Variants in KCNMB3 observed in about 807,000 individuals in gnomAD.
KCNMB3 encodes the protein potassium calcium-activated channel subfamily M regulatory beta subunit 3, also known as calcium-activated potassium channel subunit beta-3.
Under a neutral mutation model 11.9 loss-of-function variants are expected in KCNMB3, and 18 were observed. The observed-to-expected ratio is 1.51, with a 90% CI of 1.04 to 2.23. The LOEUF (loss-of-function observed/expected upper bound fraction) is 2.23, where lower values mean the gene tolerates loss of function less well. KCNMB3 is among the 30% of genes most tolerant of loss of function. KCNMB3 has a pLI of 0.00. For missense variants in KCNMB3, 247 were observed against 329.4 expected (o/e 0.75, Z 1.94); for synonymous variants, 78 against 119.2 (o/e 0.65, Z 2.25).
chr3:179,261,149 A>G (rs916321640), intron 1 of KCNMB3: 5 of 1,334,696 alleles, frequency 3.7e-6, no homozygotes, highest in Non-Finnish European at 4.2e-6. Context: ...CAGCTCCTTC[A>G]TGGGGATCTC....
downstream of KCNMB3, chr3:179,240,337 C>T (rs1264603886): frequency 3.0e-6 from 1 of 337,888 alleles, no homozygotes; most frequent in African/African-American, 2.1e-5. Flanking sequence ...TAAATATTTA[C>T]TTCCTTTAAG....
intron 1 of KCNMB3, chr3:179,260,928 T>C (rs1046079770): frequency 8.8e-6 from 10 of 1,130,386 alleles, no homozygotes; most frequent in South Asian, 1.2e-5. Context: ...ATAGCCTTCT[T>C]ACATTTCTCT....
intron 1 of KCNMB3, among the ~76,000 whole-genome samples, chr3:179,245,718 C>T (rs1466105674): frequency 6.6e-6 from 1 of 152,168 alleles, no homozygotes; most frequent in East Asian, 1.9e-4. Context: ...CCTGGCTGGC[C>T]TTGAACTCCT....
At chr3:179,247,116 T>C (rs908670200) in intron 1 of KCNMB3, among the ~76,000 whole-genome samples, 3 of 152,288 alleles carry the variant, frequency 2.0e-5, no homozygotes, top group Non-Finnish European at 4.4e-5. Flanking sequence ...TCACCACTCT[T>C]AGGCATTCAC....
At chr3:179,258,390 A>T (rs12633724) in intron 1 of KCNMB3, among the ~76,000 whole-genome samples, 71,433 of 152,134 alleles carry the variant, frequency 0.47, 18,650 homozygotes, top group East Asian at 0.87. Flanking sequence ...TCAAAGACTT[A>T]TATGAGGTGA....
chr3:179,257,398 C>T (rs1351824304), intron 1 of KCNMB3, among the ~76,000 whole-genome samples: 1 of 152,180 alleles, frequency 6.6e-6, no homozygotes, highest in Non-Finnish European at 1.5e-5. Flanking sequence ...AAAATGTCAA[C>T]ATTCATAAGG....
intron 1 of KCNMB3, among the ~76,000 whole-genome samples, chr3:179,249,265 G>A (rs796851598): frequency 6.7e-5 from 10 of 149,764 alleles, no homozygotes; most frequent in South Asian, 6.3e-4. Context: ...CACCCATCTC[G>A]GCCTCCCAAA....
chr3:179,260,811 G>A lies in KCNMB3; in HGVS notation c.62+5838C>T, dbSNP rs181346013. ...TATTTGTTTTTCTCTTCGTACTGCC[G>A]CCTATATTCAGCCAGCTGTTCTTCA... On this transcript the variant is annotated intron_variant, in intron 1 of 3. Coordinates refer to the KCNMB3 transcript ENST00000349697. 2.8e-4 allele frequency: 379 copies of A among 1,335,684 alleles called. 2 individuals carry two copies. In the African/African-American group the frequency reaches 4.7e-3, roughly 17 times the overall value. 82.7% of individuals were successfully genotyped at this position (1,335,684 alleles called of 1,614,324 possible).
exon 1 of KCNMB3, chr3:179,266,677 G>T (rs1380489349): frequency 6.2e-7 from 1 of 1,614,218 alleles, no homozygotes; most frequent in East Asian, 2.2e-5. Context: ...CTGCCCTGAA[G>T]TGTGATTTGC....
At chr3:179,266,948 A>G in exon 1 of KCNMB3, 1 of 1,326,640 alleles carries the variant, frequency 7.5e-7, no homozygotes, top group South Asian at 2.3e-5. Context: ...TAGATGATCA[A>G]GAAGGACCTG....
At chr3:179,255,276 C>G (rs374225912), upstream of KCNMB3, among the ~76,000 whole-genome samples, 2 of 150,874 alleles carry the variant, frequency 1.3e-5, no homozygotes, top group Non-Finnish European at 1.5e-5. Flanking sequence ...ATGAGATCCA[C>G]GAAAAATTTC....
rs554772772 is a variant in KCNMB3, at chr3:179,261,287, G to T, written c.62+5362C>A. 52 of 1,270,166 alleles carry T rather than the reference G, an allele frequency of 4.1e-5. No homozygotes were observed. The African/African-American group carries it at 7.2e-4, about 18-fold the overall frequency. The allele number at this position is 1,270,166 out of a possible 1,614,324, so 78.7% of individuals were successfully genotyped here. On this transcript the variant is annotated intron_variant, in intron 1 of 3. Transcript: ENST00000349697. ...GGGGCTGGTCAACCTGCTGGGCTCGGCCCGCTCCACCCGGCGGGAAACGCT... is the reference window on the plus strand; with the variant it reads ...GGGGCTGGTCAACCTGCTGGGCTCGTCCCGCTCCACCCGGCGGGAAACGCT...
chr3:179,260,908 A>G, intron 1 of KCNMB3: 3 of 1,125,100 alleles, frequency 2.7e-6, no homozygotes, highest in Non-Finnish European at 4.0e-6. Flanking sequence ...CTAACTGAGC[A>G]TTGGAAAACA....
intron 1 of KCNMB3, 66 bp downstream of exon 1, chr3:179,250,677 C>G: frequency 6.6e-7 from 1 of 1,521,016 alleles, no homozygotes; most frequent in Non-Finnish European, 9.1e-7. Context: ...AGCCTCTCCT[C>G]CTTTACCGCT....
In KCNMB3 at chr3:179,259,509, T is replaced by G. The variant is rs1726131760; in HGVS notation, c.62+7140A>C. ...TCCATCCAACTTCATTTTAGGATTC[T>G]CTGGACAATCAACATTTTCACTGCT... On this transcript the variant is annotated intron_variant, in intron 1 of 3. Coordinates refer to the KCNMB3 transcript ENST00000349697. The G allele has an allele frequency of 4.3e-6, 7 of 1,611,928 alleles. No individual in the cohort carries two copies. The Admixed American group carries it at 8.4e-5, about 19-fold the overall frequency.
At chr3:179,253,511 CATAG>C (rs1725915581), upstream of KCNMB3, among the ~76,000 whole-genome samples, 1 of 152,112 alleles carries the variant, frequency 6.6e-6, no homozygotes, top group Admixed American at 6.5e-5. Flanking sequence ...AAAACTAAAA[CATAG>C]ATAGGTTTGG....
intron 2 of KCNMB3, 94 bp downstream of exon 2, chr3:179,244,401 C>T: frequency 3.1e-6 from 3 of 965,108 alleles, no homozygotes; most frequent in Non-Finnish European, 4.9e-6. Flanking sequence ...TAGATTTATC[C>T]CTAAAGACAG....
At chr3:179,251,684 A>C, upstream of KCNMB3, 67 of 1,225,252 alleles carry the variant, frequency 5.5e-5, no homozygotes, top group Non-Finnish European at 6.6e-5. Context: ...CATCCAGCCC[A>C]CAGATGTGTT....
chr3:179,259,816 CACTTT>C, intron 1 of KCNMB3: 1 of 1,604,430 alleles, frequency 6.2e-7, no homozygotes, highest in Non-Finnish European at 8.5e-7. Flanking sequence ...TCTGAGGGTT[CACTTT>C]GAGTGTCTAC....
Sources: gnomAD v4.1 joint callset for allele counts (sites outside exome capture counted in the v4.1 genomes callset) on GRCh38, gnomAD v4.1.1 for gene constraint, MANE v1.5 for transcripts, NCBI Gene and HGNC (gene_info 2026-07-23, HGNC 2026-07-21) for gene names.